Variants in C1GALT1 observed in about 807,000 individuals in gnomAD.
C1GALT1 encodes glycoprotein-N-acetylgalactosamine 3-beta-galactosyltransferase 1.
In C1GALT1, 11 loss-of-function variants were observed where a neutral mutation model predicts 31.0. The observed-to-expected ratio is 0.36, with a 90% CI of 0.22 to 0.59. The LOEUF (loss-of-function observed/expected upper bound fraction) is 0.59, where lower values mean the gene tolerates loss of function less well. C1GALT1 is among the 20% of genes least tolerant of loss of function. C1GALT1 has a pLI of 0.79. For synonymous variants in C1GALT1, 175 were observed against 143.6 expected (o/e 1.22, Z -1.56); for missense variants, 424 against 425.2 (o/e 1.00, Z 0.03).
chr7:7,194,583 G>T (rs185019082), intron 1 of C1GALT1, among the ~76,000 whole-genome samples: 3 of 151,998 alleles, frequency 2.0e-5, no homozygotes, highest in African/African-American at 4.8e-5. Context: ...CTAGTATTTT[G>T]TTGAGGATTT....
intron 2 of C1GALT1, among the ~76,000 whole-genome samples, chr7:7,174,082 C>A (rs1780480456): frequency 6.6e-6 from 1 of 151,848 alleles, no homozygotes; most frequent in Admixed American, 6.6e-5. Flanking sequence ...TTTATGTCCC[C>A]ACACGGCCTT....
intron 2 of C1GALT1, among the ~76,000 whole-genome samples, chr7:7,161,985 C>T (rs1780337914): frequency 6.6e-6 from 1 of 151,716 alleles, no homozygotes; most frequent in African/African-American, 2.4e-5. Flanking sequence ...TAGCAATTGT[C>T]ATTGATCAGC....
chr7:7,222,074 A>G (rs1024151451), intron 1 of C1GALT1, among the ~76,000 whole-genome samples: 6 of 152,282 alleles, frequency 3.9e-5, no homozygotes, highest in Admixed American at 6.5e-5. Context: ...GTTTCCCTAC[A>G]AGGTTTTCCA....
intron 1 of C1GALT1, among the ~76,000 whole-genome samples, chr7:7,189,351 C>A (rs372898571): frequency 1.3e-5 from 2 of 152,168 alleles, no homozygotes; most frequent in African/African-American, 4.8e-5. Flanking sequence ...TTGTGAAATG[C>A]CCTTCCAAAA....
intron 2 of C1GALT1, among the ~76,000 whole-genome samples, chr7:7,168,553 T>G (rs958810120): frequency 2.6e-5 from 4 of 152,208 alleles, no homozygotes; most frequent in African/African-American, 4.8e-5. Flanking sequence ...TCCAGCAATC[T>G]TCTCCTATTT....
rs751445107 is a variant in C1GALT1 at position 7,234,545 on chromosome 7, GTTTAC to G, written c.220+11_220+15del. ...AGATTCTAGCCAACATAAAGGTATG[GTTTAC>G]TTTATTAAGCAGTAAACATAAGCAG... On this transcript the variant is annotated splice_region_variant and intron_variant, in intron 2 of 3. Transcript: ENST00000436587. The G allele has an allele frequency of 8.2e-6, 13 of 1,591,636 alleles. 2 individuals are homozygous for G. The South Asian group carries it at 1.3e-4, about 16-fold the overall frequency.
intron 1 of C1GALT1, among the ~76,000 whole-genome samples, chr7:7,205,313 G>A (rs189725429): frequency 8.8e-4 from 134 of 152,094 alleles, no homozygotes; most frequent in Middle Eastern, 3.4e-3. Context: ...ATAGACTGCC[G>A]CTGGAAGTCT....
intron 1 of C1GALT1, among the ~76,000 whole-genome samples, chr7:7,218,774 T>C (rs957832027): frequency 6.6e-6 from 1 of 152,192 alleles, no homozygotes; most frequent in Non-Finnish European, 1.5e-5. Flanking sequence ...CTTCCAAAGA[T>C]TACAGAAAAC....
chr7:7,238,342 A>G lies in C1GALT1; in HGVS notation c.308A>G (p.Lys103Arg). 6.2e-7 allele frequency: 1 copy of G among 1,614,054 alleles called. No individual in the cohort carries two copies. Among genetic ancestry groups the G allele is most frequent in the Non-Finnish European group, 8.5e-7 (1 of 1,179,946 alleles). Reference sequence around the variant, plus strand: ...ACCGGCCCTCAAAACCTAGAGAAAAAGGCCAAACACGTCAAAGCTACTTGG... The same window carrying G: ...ACCGGCCCTCAAAACCTAGAGAAAAGGGCCAAACACGTCAAAGCTACTTGG... ...VMTGPQNLEKKAKHVKATWAQ... is the reference protein window; with the variant it reads ...VMTGPQNLEKRAKHVKATWAQ... Residue 103 changes from lysine to arginine, a missense_variant, in exon 3 of 4, where the codon AAG becomes AGG. Physicochemically the swap from Lys to Arg is conservative, Grantham distance 26 (BLOSUM62 2). This residue lies in a region of C1GALT1 where 189 missense variants were observed against 158.2 expected (regional missense o/e 1.19). Coordinates refer to ENST00000436587, the MANE Select transcript of C1GALT1 (RefSeq NM_020156.5). This position sits in a 1 kb window ranked among gnomAD's most constrained non-coding sequence, Gnocchi z 5.2.
intron 1 of C1GALT1, among the ~76,000 whole-genome samples, chr7:7,200,179 G>T (rs9718639): frequency 0.031 from 4,722 of 152,198 alleles, 164 homozygotes; most frequent in African/African-American, 0.085. Flanking sequence ...TGGCTGGTAC[G>T]GGTTGTTCCT....
upstream of C1GALT1, among the ~76,000 whole-genome samples, chr7:7,181,097 T>C (rs2128228237): frequency 6.7e-6 from 1 of 149,194 alleles, no homozygotes; most frequent in South Asian, 2.1e-4. Context: ...TTAATAAAAT[T>C]AAAACGAGAT....
intron 1 of C1GALT1, among the ~76,000 whole-genome samples, chr7:7,219,107 G>A (rs1455118497): frequency 6.6e-6 from 1 of 152,238 alleles, no homozygotes; most frequent in African/African-American, 2.4e-5. Flanking sequence ...CAAAGTGCTG[G>A]GATTACAGGC....
Position 7,244,627 on chromosome 7 carries a change from A to G in C1GALT1, c.*900A>G, listed in dbSNP as rs1783771891. ...TGCCACTCTCAGGAATTACTAAGTG[A>G]CATTTTAAATTGATATTTTAAACTC... is the stretch of plus-strand genomic sequence containing the variant. On this transcript the variant is annotated 3_prime_UTR_variant, in exon 4 of 4. Transcript: ENST00000436587. 1 of 152,180 alleles carries G rather than the reference A, an allele frequency of 6.6e-6. No homozygotes were observed. The highest frequency in any genetic ancestry group is 1.5e-5 in the Non-Finnish European group (1 of 68,006). The allele number at this position is 152,180 out of a possible 1,614,324, so 9.4% of individuals were successfully genotyped here. A position where few individuals can be genotyped will look rare whatever the true frequency, so the allele number is the denominator to read the frequency against.
rs376749347 is a variant in C1GALT1, at chr7:7,238,803, T to A, written c.769T>A (p.Ser257Thr). Residue 257 changes from serine to threonine, a missense_variant, in exon 3 of 4, where the codon TCC becomes ACC. Ser to Thr is a moderately conservative substitution (Grantham distance 58). This residue lies in a region of C1GALT1 where 191 missense variants were observed against 188.8 expected (regional missense o/e 1.01). Transcript: ENST00000436587. This position sits in a 1 kb window ranked among gnomAD's most constrained non-coding sequence, Gnocchi z 5.2. ...AATTATGAATGTAGAAGCAGGAGAT[T>A]CCAGAGATACCATTGGAAAAGAAAC... ...MEIMNVEAGD[S>T]RDTIGKETFH... The A allele has an allele frequency of 1.2e-6, 2 of 1,613,808 alleles. No homozygotes were observed. The highest frequency in any genetic ancestry group is 1.7e-5 in the Admixed American group (1 of 60,012).
intron 1 of C1GALT1, among the ~76,000 whole-genome samples, chr7:7,233,392 T>C (rs1783182266): frequency 1.3e-5 from 2 of 152,170 alleles, no homozygotes; most frequent in African/African-American, 2.4e-5. Context: ...TTCTTACCAA[T>C]TCTTCCCAAG....
chr7:7,211,896 A>G (rs942703246), intron 1 of C1GALT1, among the ~76,000 whole-genome samples: 11 of 152,240 alleles, frequency 7.2e-5, no homozygotes, highest in Non-Finnish European at 1.5e-4. Context: ...AAAAGCTTAA[A>G]AACAATTAAT....
At chr7:7,207,611 C>T (rs760813461) in intron 1 of C1GALT1, among the ~76,000 whole-genome samples, 5 of 151,830 alleles carry the variant, frequency 3.3e-5, no homozygotes, top group African/African-American at 9.7e-5. Context: ...GATCTACCAT[C>T]GGGTCTTTTT....
upstream of C1GALT1, among the ~76,000 whole-genome samples, chr7:7,181,961 T>C (rs191292674): frequency 7.8e-4 from 118 of 152,226 alleles, no homozygotes; most frequent in African/African-American, 2.7e-3. Context: ...CTTCCGGCCA[T>C]TGCCCCACAG....
At chr7:7,179,805 TTATGGGTGAAA>T (rs1780549514), upstream of C1GALT1, among the ~76,000 whole-genome samples, 1 of 151,466 alleles carries the variant, frequency 6.6e-6, no homozygotes, top group South Asian at 2.1e-4. Context: ...GCTTTTGTTA[TTATGGGTGAAA>T]TATGGCTGTT....
Sources: gnomAD v4.1 joint callset for allele counts (sites outside exome capture counted in the v4.1 genomes callset) on GRCh38, gnomAD v4.1.1 for gene constraint, gnomAD v4.1.1 regional missense constraint, Gnocchi (gnomAD v3.1) non-coding constraint, MANE v1.5 for transcripts, NCBI Gene and HGNC (gene_info 2026-07-23, HGNC 2026-07-21) for gene names.